The following GRHL2 variants were observed in gnomAD, a reference collection of about 807,000 sequenced individuals.
GRHL2 encodes the protein grainyhead-like protein 2 homolog.
GRHL2 carries 21 observed loss-of-function variants against 83.8 expected under a neutral mutation model. The observed-to-expected ratio is 0.25, with a 90% CI of 0.18 to 0.36. The LOEUF (loss-of-function observed/expected upper bound fraction) is 0.36, where lower values mean the gene tolerates loss of function less well. Ranked by LOEUF, GRHL2 falls within the 10% of genes least tolerant of loss-of-function variation. The pLI, the probability that GRHL2 is intolerant of heterozygous loss-of-function variation, is 1.00. For synonymous variants in GRHL2, 280 were observed against 278.9 expected (o/e 1.00, Z -0.04); for missense variants, 623 against 781.8 (o/e 0.80, Z 2.42).
At chr8:101,675,169 C>A in the GRHL2 span, among the ~76,000 whole-genome samples, 2 of 152,116 alleles carry the variant, frequency 1.3e-5, no homozygotes, top group East Asian at 3.8e-4. Flanking sequence ...TGCCCTCTCT[C>A]ACCACTCCTA....
At position 101,626,206 on chromosome 8, in the gene GRHL2, A is replaced by G. The variant is rs374491097; in HGVS notation, c.1258-5431A>G. On this transcript the variant is annotated intron_variant, in intron 9 of 15. Transcript: ENST00000646743. ...CATACATTTTCTCATCACAGTCTAT[A>G]GTTTTCAAGAGATGGAATTCTGCAC... Among the ~76,000 whole-genome samples the G allele has an allele frequency of 1.8e-4, 27 of 152,154 alleles. No homozygotes were observed. In the South Asian group the frequency reaches 5.6e-3, roughly 32 times the overall value.
At chr8:101,563,851 C>T (rs1811659029) in intron 4 of GRHL2, among the ~76,000 whole-genome samples, 1 of 152,058 alleles carries the variant, frequency 6.6e-6, no homozygotes, top group Non-Finnish European at 1.5e-5. Context: ...ATTATCACTC[C>T]ATGATCCCAT....
In GRHL2 at chr8:101,666,829, G is replaced by A; in HGVS notation, c.*126G>A. On this transcript the variant is annotated 3_prime_UTR_variant, in exon 16 of 16. Coordinates refer to ENST00000646743, the MANE Select transcript of GRHL2 (RefSeq NM_024915.4). ...CTCACAACTGCTGTTACAAGACCGTGCTGGGGAGTGGGGCAAGGGACAGGC... is the reference window on the plus strand; with the variant it reads ...CTCACAACTGCTGTTACAAGACCGTACTGGGGAGTGGGGCAAGGGACAGGC... 1 of 723,662 alleles carries A rather than the reference G, an allele frequency of 1.4e-6. No individual in the cohort carries two copies. The highest frequency in any genetic ancestry group is 2.5e-6 in the Non-Finnish European group (1 of 395,614). 44.8% of individuals were successfully genotyped at this position (723,662 alleles called of 1,614,324 possible).
chr8:101,569,582 G>A (rs147566274), intron 4 of GRHL2, among the ~76,000 whole-genome samples: 60 of 152,230 alleles, frequency 3.9e-4, no homozygotes, highest in African/African-American at 1.3e-3. Context: ...CGATGCTTCC[G>A]CCTCAACTTT....
chr8:101,562,477 C>T lies in GRHL2; in HGVS notation c.678+3665C>T, dbSNP rs1811627566. 6 of 343,082 alleles carry T rather than the reference C, an allele frequency of 1.7e-5. No homozygotes were observed. In the East Asian group the frequency reaches 4.0e-4, roughly 23 times the overall value. 21.3% of individuals were successfully genotyped at this position (343,082 alleles called of 1,614,324 possible). A position where few individuals can be genotyped will look rare whatever the true frequency, so the allele number is the denominator to read the frequency against. On this transcript the variant is annotated intron_variant, in intron 4 of 15. Coordinates refer to ENST00000646743, the MANE Select transcript of GRHL2 (RefSeq NM_024915.4). ...TGGGCCCTGAACAAATATAACACTT[C>T]TCAATATGCATATTGAACCCGTGTG...
At chr8:101,579,384 C>T (rs1161475492) in intron 7 of GRHL2, among the ~76,000 whole-genome samples, 2 of 152,146 alleles carry the variant, frequency 1.3e-5, no homozygotes, top group Non-Finnish European at 2.9e-5. Context: ...AACTTCAGAT[C>T]TTCTTATCTT....
chr8:101,619,522 CTT>C lies in GRHL2; in HGVS notation c.1099-15_1099-14del. Reference sequence around the variant, plus strand: ...TTTTATGTTGACTTGTGAACTTTTTCTTTCTCTTTCCCTCAGATTTTCATCAC... The same window carrying C: ...TTTTATGTTGACTTGTGAACTTTTTCTCTCTTTCCCTCAGATTTTCATCAC... On this transcript the variant is annotated splice_polypyrimidine_tract_variant and intron_variant, in intron 8 of 15. Transcript: ENST00000646743. 6.2e-7 allele frequency: 1 copy of C among 1,613,002 alleles called. No individual in the cohort carries two copies. Among genetic ancestry groups the C allele is most frequent in the Non-Finnish European group, 8.5e-7 (1 of 1,179,490 alleles).
intron 1 of GRHL2, among the ~76,000 whole-genome samples, chr8:101,513,981 G>A (rs762375777): frequency 5.9e-5 from 9 of 152,010 alleles, no homozygotes; most frequent in Non-Finnish European, 1.2e-4. Context: ...TGTATCTGCC[G>A]AGGCTTTCAC....
intron 1 of GRHL2, chr8:101,529,664 C>T (rs1810880452): frequency 1.2e-5 from 2 of 160,208 alleles, no homozygotes; most frequent in Non-Finnish European, 1.4e-5. Flanking sequence ...TTATTTTCCT[C>T]ATAAATAACC....
intron 9 of GRHL2, among the ~76,000 whole-genome samples, chr8:101,629,395 C>A (rs977745394): frequency 6.6e-6 from 1 of 151,746 alleles, no homozygotes; most frequent in South Asian, 2.1e-4. Context: ...TAGTATAGTG[C>A]AAACATAACC....
At chr8:101,520,269 A>T (rs1810656503) in intron 1 of GRHL2, among the ~76,000 whole-genome samples, 1 of 152,224 alleles carries the variant, frequency 6.6e-6, no homozygotes, top group Non-Finnish European at 1.5e-5. Flanking sequence ...AGACTGATTC[A>T]CGTAGTATGT....
At chr8:101,652,504 G>A (rs1052859106) in intron 14 of GRHL2, among the ~76,000 whole-genome samples, 39 of 71,204 alleles carry the variant, frequency 5.5e-4, no homozygotes, top group East Asian at 1.6e-3. Context: ...TGTGGTGTGT[G>A]TGTGTGGTGT....
intron 1 of GRHL2, among the ~76,000 whole-genome samples, chr8:101,520,716 C>T (rs1403535473): frequency 6.6e-6 from 1 of 152,112 alleles, no homozygotes; most frequent in East Asian, 1.9e-4. Context: ...ATTACTAATC[C>T]TGGCATAATC....
intron 1 of GRHL2, among the ~76,000 whole-genome samples, chr8:101,515,047 T>TTCCTTCCTTCCTTCCTTCCA (rs1472683968): frequency 6.7e-6 from 1 of 150,350 alleles, no homozygotes; most frequent in African/African-American, 2.5e-5. Flanking sequence ...CCTTCCATCC[T>TTCCTTCCTTCCTTCCTTCCA]TCCTTCCTTC....
intron 9 of GRHL2, among the ~76,000 whole-genome samples, chr8:101,624,476 T>C (rs1468536828): frequency 2.7e-5 from 4 of 148,898 alleles, no homozygotes; most frequent in African/African-American, 1.0e-4. Context: ...CAGTACACAG[T>C]AGAACAGTGT....
chr8:101,617,534 C>G (rs1281507529), intron 8 of GRHL2, among the ~76,000 whole-genome samples: 1 of 152,146 alleles, frequency 6.6e-6, no homozygotes, highest in Admixed American at 6.5e-5. Flanking sequence ...GATAGGATCT[C>G]TCTCTGTCAC....
chr8:101,588,292 G>C (rs1812208883), intron 7 of GRHL2, among the ~76,000 whole-genome samples: 1 of 152,174 alleles, frequency 6.6e-6, no homozygotes, highest in South Asian at 2.1e-4. Flanking sequence ...ACAGTAAACT[G>C]TAACGGCAAC....
chr8:101,603,168 T>G (rs1390651310), intron 8 of GRHL2, among the ~76,000 whole-genome samples: 1 of 152,206 alleles, frequency 6.6e-6, no homozygotes, highest in Non-Finnish European at 1.5e-5. Flanking sequence ...AGGTTTTTTT[T>G]GCACCAAGTT....
At chr8:101,650,872 G>A (rs1467731307) in intron 14 of GRHL2, among the ~76,000 whole-genome samples, 1 of 152,002 alleles carries the variant, frequency 6.6e-6, no homozygotes, top group Non-Finnish European at 1.5e-5. Flanking sequence ...CTGTACCAAT[G>A]TCATCACGCT....
Sources: gnomAD v4.1 joint callset for allele counts (sites outside exome capture counted in the v4.1 genomes callset) on GRCh38, gnomAD v4.1.1 for gene constraint, MANE v1.5 for transcripts, NCBI Gene and HGNC (gene_info 2026-07-23, HGNC 2026-07-21) for gene names.